The following CUL2 variants were observed in gnomAD, a reference collection of about 807,000 sequenced individuals.
CUL2 encodes cullin 2.
CUL2 carries 22 observed loss-of-function variants against 110.2 expected under a neutral mutation model. The ratio of observed to expected loss-of-function variants is 0.20; its 90% CI spans 0.14 to 0.28. The LOEUF (loss-of-function observed/expected upper bound fraction) is 0.28. Among genes scored for constraint, CUL2 ranks in the 10% least tolerant of loss-of-function variants. The pLI, the probability that CUL2 is intolerant of heterozygous loss-of-function variation, is 1.00. For synonymous variants in CUL2, 279 were observed against 293.2 expected, an observed-to-expected ratio of 0.95 and a Z score of 0.49; for missense variants, 631 against 905.5, an observed-to-expected ratio of 0.70 and a Z score of 3.89.
At chr10:35,067,508 A>G (rs1371776421) in intron 2 of CUL2, among the ~76,000 whole-genome samples, 1 of 152,050 alleles carries the variant, frequency 6.6e-6, no homozygotes, top group Non-Finnish European at 1.5e-5. Flanking sequence ...TCAGAACTTT[A>G]GGAGGCTGAG....
Position 35,031,730 on chromosome 10 carries a change from G to A in CUL2, c.1171-111C>T. ...AAGATCAGCGGACAGAATTTTTGCTGTTTTTTTTAGAGACCGGGTCTTGCT... is the reference window on the plus strand; with the variant it reads ...AAGATCAGCGGACAGAATTTTTGCTATTTTTTTTAGAGACCGGGTCTTGCT... On this transcript the variant is annotated intron_variant, in intron 12 of 20. Transcript: ENST00000374749. This position sits in a 1 kb window ranked among gnomAD's most constrained non-coding sequence, Gnocchi z 4.4. The A allele has an allele frequency of 8.7e-7, 1 of 1,146,894 alleles. No individual in the cohort carries two copies. The highest frequency in any genetic ancestry group is 1.2e-6 in the Non-Finnish European group (1 of 801,006). 71.0% of individuals were successfully genotyped at this position (1,146,894 alleles called of 1,614,324 possible). A position where few individuals can be genotyped will look rare whatever the true frequency, so the allele number is the denominator to read the frequency against.
intron 2 of CUL2, among the ~76,000 whole-genome samples, chr10:35,067,139 CAAAAAAA>C (rs71523356): frequency 1.3e-5 from 1 of 76,834 alleles, no homozygotes; most frequent in African/African-American, 5.3e-5. Flanking sequence ...AACTCCATCT[CAAAAAAA>C]AAAAAAAAAA....
chr10:35,048,841 T>C (rs2086018548), intron 6 of CUL2, among the ~76,000 whole-genome samples: 2 of 152,138 alleles, frequency 1.3e-5, no homozygotes, highest in South Asian at 2.1e-4. Context: ...TAGGGGTGGG[T>C]GTGTGTGTTT....
chr10:35,125,596 C>T (rs11595640), intron 1 of CUL2, among the ~76,000 whole-genome samples: 20,638 of 152,228 alleles, frequency 0.14, 1,590 homozygotes, highest in South Asian at 0.2. Flanking sequence ...TAAATCCTCA[C>T]TTAACATTGT....
At chr10:35,055,980 G>A (rs1926555) in intron 4 of CUL2, among the ~76,000 whole-genome samples, 22,940 of 152,168 alleles carry the variant, frequency 0.15, 1,939 homozygotes, top group East Asian at 0.24. Context: ...CCTTTCAGGT[G>A]TGCCCTGAAC....
intron 1 of CUL2, among the ~76,000 whole-genome samples, chr10:35,113,294 G>A (rs1021337012): frequency 1.3e-4 from 19 of 150,334 alleles, no homozygotes; most frequent in Non-Finnish European, 2.5e-4. Flanking sequence ...TCAGGAGTTC[G>A]TGACCAGCCT....
chr10:35,051,171 G>A (rs540370644), intron 5 of CUL2, among the ~76,000 whole-genome samples: 3 of 147,552 alleles, frequency 2.0e-5, no homozygotes, highest in Admixed American at 1.4e-4. Flanking sequence ...AAAAATTAGC[G>A]GGGCGTGGTG....
At chr10:35,096,434 G>A (rs1057486232) in intron 2 of CUL2, among the ~76,000 whole-genome samples, 1 of 151,852 alleles carries the variant, frequency 6.6e-6, no homozygotes, top group Non-Finnish European at 1.5e-5. Context: ...GCAAAACCCT[G>A]TCTCTATGAA....
At chr10:35,050,378 G>A (rs1169191331) in intron 5 of CUL2, among the ~76,000 whole-genome samples, 6 of 151,746 alleles carry the variant, frequency 4.0e-5, no homozygotes, top group Admixed American at 1.3e-4. Flanking sequence ...CACTATAAAT[G>A]GGCTATAGAT....
intron 1 of CUL2, among the ~76,000 whole-genome samples, chr10:35,081,163 T>C (rs2086939708): frequency 6.6e-6 from 1 of 151,956 alleles, no homozygotes; most frequent in South Asian, 2.1e-4. Flanking sequence ...GACTTCAAGG[T>C]TACATTAAGC....
rs1210841508 is a variant in CUL2 at position 35,032,366 on chromosome 10, A to G, written c.1170+69T>C. On this transcript the variant is annotated intron_variant, in intron 12 of 20. Coordinates refer to ENST00000374749, the MANE Select transcript of CUL2 (RefSeq NM_003591.4). ...ATGCTACAAAAACCAAATTAATTTG[A>G]TATTCTGAGTTCTCATTTTCTAATA... 4 of 1,282,270 alleles carry G rather than the reference A, an allele frequency of 3.1e-6. No homozygotes were observed. In the Admixed American group the frequency reaches 9.2e-5, roughly 29 times the overall value. 79.4% of individuals were successfully genotyped at this position (1,282,270 alleles called of 1,614,324 possible).
At chr10:35,020,630 C>T (rs371912862) in intron 17 of CUL2, among the ~76,000 whole-genome samples, 6 of 152,172 alleles carry the variant, frequency 3.9e-5, no homozygotes, top group Non-Finnish European at 7.3e-5. Context: ...CATTTCTCAA[C>T]GTGTCTTTCA....
chr10:35,065,234 G>T (rs959230223), intron 2 of CUL2, among the ~76,000 whole-genome samples: 2 of 152,124 alleles, frequency 1.3e-5, no homozygotes, highest in Non-Finnish European at 2.9e-5. Flanking sequence ...TTATAGACAA[G>T]ACACTTTAAA....
At chr10:35,085,223 T>A (rs2087031597) in intron 1 of CUL2, among the ~76,000 whole-genome samples, 1 of 150,708 alleles carries the variant, frequency 6.6e-6, no homozygotes, top group Non-Finnish European at 1.5e-5. Context: ...GGTCAGGAGA[T>A]TGAGACCATC....
intron 2 of CUL2, 51 bp downstream of exon 2, chr10:35,071,148 A>C: frequency 1.3e-6 from 2 of 1,570,760 alleles, no homozygotes; most frequent in Non-Finnish European, 1.7e-6. Context: ...CTCAGTTTTC[A>C]ACAAATTTAT....
chr10:35,047,675 T>C (rs907218909), intron 6 of CUL2, among the ~76,000 whole-genome samples: 2 of 150,510 alleles, frequency 1.3e-5, no homozygotes, highest in African/African-American at 4.9e-5. Context: ...CCCCACACTT[T>C]TGGAGGCCGA....
chr10:35,105,569 G>A (rs1341841621), intron 1 of CUL2, among the ~76,000 whole-genome samples: 3 of 151,738 alleles, frequency 2.0e-5, no homozygotes, highest in South Asian at 4.2e-4. Context: ...TTTGCCGGGT[G>A]TGGTGGCGGG....
intron 5 of CUL2, among the ~76,000 whole-genome samples, chr10:35,050,852 A>G (rs1026721798): frequency 4.6e-5 from 7 of 152,252 alleles, no homozygotes; most frequent in African/African-American, 1.7e-4. Context: ...ACAAGTTGAG[A>G]TCCTGTACTG....
chr10:35,058,870 C>G (rs1032454829), intron 4 of CUL2, among the ~76,000 whole-genome samples: 1 of 152,076 alleles, frequency 6.6e-6, no homozygotes, highest in Non-Finnish European at 1.5e-5. Context: ...CTCAATAAAC[C>G]TTGATTGAGA....
Sources: gnomAD v4.1 joint callset for allele counts (sites outside exome capture counted in the v4.1 genomes callset) on GRCh38, gnomAD v4.1.1 for gene constraint, Gnocchi (gnomAD v3.1) non-coding constraint, MANE v1.5 for transcripts, NCBI Gene and HGNC (gene_info 2026-07-23, HGNC 2026-07-21) for gene names.